Variants in PIK3C2G observed in about 807,000 individuals in gnomAD.
PIK3C2G encodes the protein phosphatidylinositol 3-kinase C2 domain-containing subunit gamma.
In PIK3C2G, 168 loss-of-function variants were observed where a neutral mutation model predicts 181.1. The observed-to-expected ratio is 0.93, with a 90% CI of 0.82 to 1.05. The LOEUF is 1.05. PIK3C2G is among the 50% of genes least tolerant of loss of function. The pLI is 0.00. For missense variants in PIK3C2G, 1,869 were observed against 1,732.8 expected (o/e 1.08, Z -1.40); for synonymous variants, 573 against 592.2 (o/e 0.97, Z 0.47).
intron 31 of PIK3C2G, among the ~76,000 whole-genome samples, chr12:18,620,024 C>T (rs1163355803): frequency 1.3e-5 from 2 of 151,980 alleles, no homozygotes; most frequent in Non-Finnish European, 2.9e-5. Context: ...GCGTCCAGCC[C>T]CTTAATTTTT....
intron 31 of PIK3C2G, among the ~76,000 whole-genome samples, chr12:18,614,472 A>G (rs576660309): frequency 3.9e-5 from 6 of 152,232 alleles, no homozygotes; most frequent in East Asian, 1.9e-4. Context: ...CAGCTTTTTC[A>G]TGAAACTTCA....
rs34711642 is a variant in PIK3C2G at position 18,325,706 on chromosome 12, C to CAAAAAAAAAAAAAAA, written c.1272+612_1272+626dup. 1.3e-4 allele frequency among the ~76,000 whole-genome samples: 8 copies of CAAAAAAAAAAAAAAA among 61,614 alleles called. 1 individual carries two copies. The highest frequency in any genetic ancestry group is 4.4e-4 in the African/African-American group (8 of 18,132). 40.4% of individuals were successfully genotyped at this position (61,614 alleles called of 152,430 possible). A position where few individuals can be genotyped will look rare whatever the true frequency, so the allele number is the denominator to read the frequency against. ...CTGGTGACAGAGCAAGACTCAGTCT[C>CAAAAAAAAAAAAAAA]AAAAAAAAAAAAAAAAAAGAGAGAG... On this transcript the variant is annotated intron_variant, in intron 8 of 32. Transcript: ENST00000538779.
intron 30 of PIK3C2G, among the ~76,000 whole-genome samples, chr12:18,598,802 G>GA (rs961395470): frequency 1.3e-5 from 2 of 150,930 alleles, no homozygotes; most frequent in African/African-American, 2.4e-5. Context: ...AAATTTACAA[G>GA]AAAAAACAAA....
the PIK3C2G span, chr12:18,713,104 A>G: frequency 7.5e-7 from 1 of 1,337,278 alleles, no homozygotes; most frequent in Non-Finnish European, 1.0e-6. Context: ...TGAGTCCATA[A>G]AACTCTATAA....
intron 5 of PIK3C2G, among the ~76,000 whole-genome samples, chr12:18,296,597 C>T (rs1949953685): frequency 6.6e-6 from 1 of 152,116 alleles, no homozygotes; most frequent in Admixed American, 6.6e-5. Context: ...ATTTTCCTAG[C>T]AAATCAAAAT....
At chr12:18,669,971 TTCC>T in the PIK3C2G span, among the ~76,000 whole-genome samples, 1 of 152,034 alleles carries the variant, frequency 6.6e-6, no homozygotes, top group Non-Finnish European at 1.5e-5. Context: ...CCCGGCCCTC[TTCC>T]TCTTCTTATA....
intron 5 of PIK3C2G, among the ~76,000 whole-genome samples, chr12:18,298,619 C>G (rs984872805): frequency 2.0e-5 from 3 of 151,636 alleles, no homozygotes; most frequent in African/African-American, 7.3e-5. Flanking sequence ...AAAAAACTTG[C>G]CTACACCAAT....
chr12:18,383,205 A>G (rs745994238), intron 14 of PIK3C2G, among the ~76,000 whole-genome samples: 3 of 152,218 alleles, frequency 2.0e-5, no homozygotes, highest in African/African-American at 7.2e-5. Flanking sequence ...ATTCAATCAC[A>G]TTTGATTCAT....
chr12:18,420,039 T>C (rs1433462373), intron 16 of PIK3C2G, among the ~76,000 whole-genome samples: 2 of 152,196 alleles, frequency 1.3e-5, no homozygotes, highest in African/African-American at 4.8e-5. Flanking sequence ...GGTTTGTTTG[T>C]TTTTATTTGT....
intron 17 of PIK3C2G, 41 bp downstream of exon 17, chr12:18,421,075 C>T (rs756217956): frequency 9.5e-7 from 1 of 1,049,214 alleles, no homozygotes; most frequent in South Asian, 1.3e-5. Flanking sequence ...AGGGTTTTAA[C>T]TAATTATCTC....
At chr12:18,355,616 G>A (rs912665303) in intron 11 of PIK3C2G, among the ~76,000 whole-genome samples, 8 of 152,048 alleles carry the variant, frequency 5.3e-5, no homozygotes, top group South Asian at 2.1e-4. Context: ...AGCATGCACC[G>A]CTAACTCCCA....
chr12:18,382,246 T>C (rs1255414353), intron 14 of PIK3C2G, among the ~76,000 whole-genome samples: 1 of 152,232 alleles, frequency 6.6e-6, no homozygotes, highest in African/African-American at 2.4e-5. Context: ...CTGCTTTGTG[T>C]CATATTTCTT....
At chr12:18,725,788 T>C in the PIK3C2G span, among the ~76,000 whole-genome samples, 1 of 152,110 alleles carries the variant, frequency 6.6e-6, no homozygotes, top group Non-Finnish European at 1.5e-5. Flanking sequence ...TTTTTGTTTG[T>C]TTGTTTTTCT....
At chr12:18,628,669 T>C (rs1357459282) in intron 31 of PIK3C2G, among the ~76,000 whole-genome samples, 2 of 152,240 alleles carry the variant, frequency 1.3e-5, no homozygotes, top group Non-Finnish European at 2.9e-5. Flanking sequence ...CTCTCTTCAG[T>C]TGAGAAAGAA....
chr12:18,388,272 C>A (rs1943306101), intron 14 of PIK3C2G, among the ~76,000 whole-genome samples: 1 of 151,904 alleles, frequency 6.6e-6, no homozygotes, highest in Non-Finnish European at 1.5e-5. Flanking sequence ...CTTTTCTTTT[C>A]TTTTTTTCTT....
intron 22 of PIK3C2G, among the ~76,000 whole-genome samples, chr12:18,500,025 G>T (rs1941304281): frequency 1.3e-5 from 2 of 152,250 alleles, no homozygotes; most frequent in Non-Finnish European, 2.9e-5. Context: ...CGCCTCCTCT[G>T]CCTGGGCTCC....
chr12:18,609,006 T>A (rs376931683), intron 30 of PIK3C2G, among the ~76,000 whole-genome samples: 16 of 152,244 alleles, frequency 1.1e-4, no homozygotes, highest in African/African-American at 3.9e-4. Flanking sequence ...TAGTGCAAAT[T>A]GACCACTTAC....
chr12:18,391,262 C>G lies in PIK3C2G; in HGVS notation c.2126+10C>G, dbSNP rs763881987. On this transcript the variant is annotated intron_variant, in intron 15 of 32. Coordinates refer to ENST00000538779, the MANE Select transcript of PIK3C2G (RefSeq NM_001288772.2). Reference sequence around the variant, plus strand: ...AACAGACTCCCCTACTGTAAGTGACCTAGGTCTTGTGAATGAATTTTTGCC... The same window carrying G: ...AACAGACTCCCCTACTGTAAGTGACGTAGGTCTTGTGAATGAATTTTTGCC... The G allele has an allele frequency of 5.2e-6, 8 of 1,548,122 alleles. No homozygotes were observed. Among genetic ancestry groups the G allele is most frequent in the South Asian group, 1.3e-5 (1 of 78,110 alleles).
intron 31 of PIK3C2G, among the ~76,000 whole-genome samples, chr12:18,638,717 A>G (rs1295781894): frequency 6.6e-6 from 1 of 152,136 alleles, no homozygotes; most frequent in Admixed American, 6.6e-5. Flanking sequence ...CGACCCAGCC[A>G]TAATGACACA....
Sources: gnomAD v4.1 joint callset for allele counts (sites outside exome capture counted in the v4.1 genomes callset) on GRCh38, gnomAD v4.1.1 for gene constraint, MANE v1.5 for transcripts, NCBI Gene and HGNC (gene_info 2026-07-23, HGNC 2026-07-21) for gene names.